KLHL1: variants seen among roughly 807,000 people sequenced by gnomAD.
The protein encoded by KLHL1 is kelch-like protein 1.
KLHL1 carries 47 observed loss-of-function variants against 77.7 expected under a neutral mutation model. The ratio of observed to expected loss-of-function variants is 0.60; its 90% confidence interval spans 0.48 to 0.77. The LOEUF is 0.77. Ranked by LOEUF, KLHL1 falls within the 30% of genes least tolerant of loss-of-function variation. KLHL1 has a pLI of 0.00. For missense variants in KLHL1, 925 were observed against 910.8 expected (o/e 1.02, Z -0.20); for synonymous variants, 360 against 325.2 (o/e 1.11, Z -1.15).
intron 3 of KLHL1, among the ~76,000 whole-genome samples, chr13:69,958,290 T>C (rs1883955105): frequency 2.0e-5 from 3 of 151,878 alleles, no homozygotes; most frequent in Admixed American, 2.0e-4. Flanking sequence ...CTTTAGTTCT[T>C]ACTGAATTTC....
chr13:69,967,913 A>G lies in KLHL1; in HGVS notation c.681-6469T>C, dbSNP rs140994166. Among the ~76,000 whole-genome samples the G allele has an allele frequency of 1.5e-3, 227 of 152,044 alleles. 4 individuals carry two copies. Among genetic ancestry groups the G allele is most frequent in the African/African-American group, 4.9e-3 (202 of 41,498 alleles). On this transcript the variant is annotated intron_variant, in intron 2 of 10. Coordinates refer to ENST00000377844, the MANE Select transcript of KLHL1 (RefSeq NM_020866.3). ...AAAAAAAAAAAAAGAAATAAAAAAG[A>G]ATATTACACAAACTTAATTGACAGA...
chr13:69,705,192 C>G (rs1429404948), intron 10 of KLHL1, among the ~76,000 whole-genome samples: 4 of 151,042 alleles, frequency 2.6e-5, no homozygotes, highest in Non-Finnish European at 5.9e-5. Context: ...ATAAAGTTCT[C>G]TTTATGTCTT....
chr13:69,818,695 C>A (rs1878222855), intron 6 of KLHL1, among the ~76,000 whole-genome samples: 2 of 152,070 alleles, frequency 1.3e-5, no homozygotes, highest in African/African-American at 4.8e-5. Flanking sequence ...TGAGCTTTGG[C>A]TGACATGATT....
chr13:69,755,333 A>G (rs552674655), intron 7 of KLHL1, among the ~76,000 whole-genome samples: 5 of 151,958 alleles, frequency 3.3e-5, no homozygotes, highest in Admixed American at 1.3e-4. Context: ...CTGAGGCTTC[A>G]CTAAAAGGTT....
intron 4 of KLHL1, among the ~76,000 whole-genome samples, chr13:69,923,689 T>C (rs191720265): frequency 5.3e-5 from 8 of 152,222 alleles, no homozygotes; most frequent in Admixed American, 3.3e-4. Context: ...AGAGACAATA[T>C]AGTACTGATG....
intron 5 of KLHL1, among the ~76,000 whole-genome samples, chr13:69,851,130 G>A (rs1879671518): frequency 2.0e-5 from 1 of 49,486 alleles, no homozygotes; most frequent in Non-Finnish European, 5.0e-5. Context: ...TGCTTTTATA[G>A]GTAGCTGTCT....
chr13:69,740,553 A>C lies in KLHL1; in HGVS notation c.1643T>G (p.Val548Gly). Residue 548 changes from valine to glycine, a missense_variant, in exon 8 of 11, where the codon GTA (valine) becomes GGA (glycine). Transcript: ENST00000377844. ...ATAAATAGGGCCTTCAAGTACTGTT[A>C]CACCTAAAATATTAGATAAATGAAT... ...PMSTHRHGLG[V>G]TVLEGPIYAV... 2 of 1,604,836 alleles carry C rather than the reference A, an allele frequency of 1.2e-6. No individual in the cohort carries two copies. Among genetic ancestry groups the C allele is most frequent in the East Asian group, 2.2e-5 (1 of 44,750 alleles).
intron 5 of KLHL1, among the ~76,000 whole-genome samples, chr13:69,844,256 AAATAAG>A (rs1879372977): frequency 6.6e-6 from 1 of 151,588 alleles, no homozygotes; most frequent in South Asian, 2.1e-4. Flanking sequence ...AAATAAAAAT[AAATAAG>A]AATAAAATAA....
chr13:69,883,348 C>T (rs1881072028), intron 4 of KLHL1, among the ~76,000 whole-genome samples: 1 of 152,140 alleles, frequency 6.6e-6, no homozygotes, highest in Admixed American at 6.6e-5. Flanking sequence ...CATTTCCTCC[C>T]TTACTTACTC....
chr13:69,719,855 C>G (rs1872961219), intron 8 of KLHL1, among the ~76,000 whole-genome samples: 1 of 150,456 alleles, frequency 6.6e-6, no homozygotes, highest in Non-Finnish European at 1.5e-5. Context: ...AAATTGCATA[C>G]TGCAAAAATA....
At chr13:69,732,912 T>G (rs1406485342) in intron 8 of KLHL1, among the ~76,000 whole-genome samples, 1 of 152,122 alleles carries the variant, frequency 6.6e-6, no homozygotes, top group Non-Finnish European at 1.5e-5. Context: ...TGAATTTCAG[T>G]GCACAGGGCC....
chr13:69,904,784 T>C (rs551131339), intron 4 of KLHL1, among the ~76,000 whole-genome samples: 1 of 152,280 alleles, frequency 6.6e-6, no homozygotes, highest in African/African-American at 2.4e-5. Flanking sequence ...TCTTTCAGTA[T>C]GGCTTAAATA....
At position 69,934,019 on chromosome 13, in the gene KLHL1, T is replaced by C. The variant is rs141535312; in HGVS notation, c.1014+6021A>G. ...TAGTACTGGGTTTATTATCCCATTC[T>C]AGCATGTCTATCTATTGATCCTGAG... On this transcript the variant is annotated intron_variant, in intron 4 of 10. Coordinates refer to ENST00000377844, the MANE Select transcript of KLHL1 (RefSeq NM_020866.3). 8.9e-3 allele frequency among the ~76,000 whole-genome samples: 1,359 copies of C among 152,292 alleles called. 19 individuals carry two copies. Among genetic ancestry groups the C allele is most frequent in the African/African-American group, 0.03 (1,261 of 41,574 alleles).
chr13:70,080,138 T>C (rs1887359159), intron 1 of KLHL1, among the ~76,000 whole-genome samples: 1 of 152,158 alleles, frequency 6.6e-6, no homozygotes, highest in Non-Finnish European at 1.5e-5. Context: ...TGGCAGAGTC[T>C]GAAAGGATAC....
intron 5 of KLHL1, among the ~76,000 whole-genome samples, chr13:69,843,986 A>C: frequency 6.6e-6 from 1 of 151,854 alleles, no homozygotes; most frequent in South Asian, 2.1e-4. Context: ...ATTTGTGAAT[A>C]ACTTTTCAAT....
chr13:69,988,596 C>G (rs1452678671), intron 1 of KLHL1, among the ~76,000 whole-genome samples: 1 of 152,008 alleles, frequency 6.6e-6, no homozygotes, highest in Non-Finnish European at 1.5e-5. Context: ...TAAGCATTCC[C>G]TTTCCTCTGC....
intron 3 of KLHL1, among the ~76,000 whole-genome samples, chr13:69,960,690 C>T (rs1278781264): frequency 3.6e-5 from 2 of 56,174 alleles, no homozygotes; most frequent in Non-Finnish European, 8.1e-5. Context: ...ATTAATACTA[C>T]AATTAATACT....
chr13:69,823,166 A>T (rs1030271021), intron 6 of KLHL1, among the ~76,000 whole-genome samples: 1 of 151,610 alleles, frequency 6.6e-6, no homozygotes, highest in Non-Finnish European at 1.5e-5. Flanking sequence ...CATTTATTGA[A>T]TCAGCATTTG....
intron 5 of KLHL1, among the ~76,000 whole-genome samples, chr13:69,865,574 T>C (rs1425406220): frequency 6.6e-6 from 1 of 152,036 alleles, no homozygotes; most frequent in African/African-American, 2.4e-5. Flanking sequence ...GGAAAAGATG[T>C]CACAGGAGTT....
Sources: allele counts gnomAD v4.1 joint callset (sites outside exome capture counted in the v4.1 genomes callset), GRCh38; gene constraint gnomAD v4.1.1; transcripts MANE v1.5; gene names NCBI Gene and HGNC (gene_info 2026-07-23, HGNC 2026-07-21).